The following LRP10 variants were observed in gnomAD, a reference collection of about 807,000 sequenced individuals.
The protein encoded by LRP10 is low-density lipoprotein receptor-related protein 10.
In LRP10, 42 loss-of-function variants were observed where a neutral mutation model predicts 58.5. The observed-to-expected ratio is 0.72, with a 90% CI of 0.56 to 0.93. LRP10 has a LOEUF of 0.93. LRP10 is among the 40% of genes least tolerant of loss of function. The pLI is 0.00. For synonymous variants in LRP10, 377 were observed against 388.5 expected, an observed-to-expected ratio of 0.97 and a Z score of 0.35; for missense variants, 872 against 940.1, an observed-to-expected ratio of 0.93 and a Z score of 0.95.
intron 4 of LRP10, 34 bp from the exon 5 acceptor site, chr14:22,875,321 T>G (rs2039990574): frequency 3.8e-6 from 6 of 1,593,592 alleles, no homozygotes; most frequent in Non-Finnish European, 5.1e-6. Flanking sequence ...AGGGTTCTGG[T>G]GCTTCACAGC....
Position 22,875,371 on chromosome 14 carries a change from G to A in LRP10, c.423G>A (p.Leu141=), listed in dbSNP as rs773210630. The change falls in exon 5 of 7, where the codon CTG becomes CTA. Residue 141 remains leucine, a synonymous_variant. Coordinates refer to ENST00000359591, the MANE Select transcript of LRP10 (RefSeq NM_014045.5). ...CCTCTGCAGATTGGCTGATGTGCCT[G>A]CAGGAAGAGTTTCAGTGCCTGAACC... is the stretch of plus-strand genomic sequence containing the variant. ...LSYSQDWLMC[L]QEEFQCLNHR... 6.2e-7 allele frequency: 1 copy of A among 1,611,938 alleles called. No homozygotes were observed. Among genetic ancestry groups the A allele is most frequent in the Non-Finnish European group, 8.5e-7 (1 of 1,178,486 alleles).
chr14:22,874,922 A>C (rs1463461392), intron 3 of LRP10, 133 bp from the exon 4 acceptor site: 1 of 513,970 alleles, frequency 1.9e-6, no homozygotes, highest in African/African-American at 2.0e-5. Context: ...CTGAGTTTTC[A>C]TTTGGCCATT....
At chr14:22,872,696 AG>A in intron 1 of LRP10, 41 bp from the exon 2 acceptor site, 9 of 1,605,212 alleles carry the variant, frequency 5.6e-6, no homozygotes, top group Non-Finnish European at 7.7e-6. Flanking sequence ...AAAACTCCTA[AG>A]GAGTGTCTCA....
In LRP10 at chr14:22,876,943, T is replaced by C; in HGVS notation, c.1558T>C (p.Ser520Pro). 4 of 1,583,928 alleles carry C rather than the reference T, an allele frequency of 2.5e-6. No individual in the cohort carries two copies. The South Asian group carries it at 4.6e-5, about 18-fold the overall frequency. The part of the protein sequence containing the change: ...DFPTENPNDN[S>P]VLGNLRSLLQ... The stretch of plus-strand genomic sequence containing the variant: ...AGGCCTCCTCATTTCCTTGCAGAAC[T>C]CAGTGCTGGGCAACCTGCGTTCTCT... The change falls in exon 7 of 7, where the codon TCA (serine) becomes CCA (proline). Residue 520 changes from serine to proline, a missense_variant. Ser to Pro is a moderately conservative substitution (Grantham distance 74). Transcript: ENST00000359591.
chr14:22,874,575 A>G (rs1359903828), intron 3 of LRP10, among the ~76,000 whole-genome samples: 1 of 152,196 alleles, frequency 6.6e-6, no homozygotes, highest in Non-Finnish European at 1.5e-5. Flanking sequence ...GAAGATCCCC[A>G]TTGACTACAT....
chr14:22,873,187 G>A, intron 2 of LRP10, 124 bp from the exon 3 acceptor site: 2 of 1,161,802 alleles, frequency 1.7e-6, no homozygotes, highest in Admixed American at 2.3e-5. Flanking sequence ...TGTGGGCAGG[G>A]GCAGATACTC....
Position 22,879,281 on chromosome 14 carries a change from AC to A in LRP10, c.*1757del. ...ACCCTGGCACCTTGGCTCAGGGAAG[AC>A]CCGAGCTCCTTTCACTGCAGACCCT... On this transcript the variant is annotated 3_prime_UTR_variant, in exon 7 of 7. Transcript: ENST00000359591. 2.2e-6 allele frequency: 1 copy of A among 451,916 alleles called. No homozygotes were observed. The highest frequency in any genetic ancestry group is 7.0e-5 in the East Asian group (1 of 14,320). 28.0% of individuals were successfully genotyped at this position (451,916 alleles called of 1,614,324 possible).
chr14:22,879,328 GC>G lies in LRP10; in HGVS notation c.*1802del. 22 of 381,858 alleles carry G rather than the reference GC, an allele frequency of 5.8e-5. No homozygotes were observed. Among genetic ancestry groups the G allele is most frequent in the South Asian group, 8.8e-5 (5 of 56,640 alleles). The allele number at this position is 381,858 out of a possible 1,614,324, so 23.7% of individuals were successfully genotyped here. ...ACCCTCTCCAGAGACTGGGGAGAGGGCTCTGGAGAACCTGGTTCTTGCTTAC... is the reference window on the plus strand; with the variant it reads ...ACCCTCTCCAGAGACTGGGGAGAGGGTCTGGAGAACCTGGTTCTTGCTTAC... On this transcript the variant is annotated 3_prime_UTR_variant, in exon 7 of 7. Coordinates refer to ENST00000359591, the MANE Select transcript of LRP10 (RefSeq NM_014045.5).
rs1022742342 is a variant in LRP10 at position 22,880,236 on chromosome 14, G to GT, written c.*2710dup. 23 of 152,204 alleles carry GT rather than the reference G, an allele frequency of 1.5e-4. No homozygotes were observed. The highest frequency in any genetic ancestry group is 5.5e-4 in the African/African-American group (23 of 41,486). 9.4% of individuals were successfully genotyped at this position (152,204 alleles called of 1,614,324 possible). On this transcript the variant is annotated 3_prime_UTR_variant, in exon 7 of 7. Transcript: ENST00000359591. ...CTAAAATACAAAAAAGTAGCCAGGT[G>GT]TGGCGGCATGCACCTGTAGTCCCAG... is the stretch of plus-strand genomic sequence containing the variant.
At position 22,876,387 on chromosome 14, in the gene LRP10, G is replaced by A. The variant is rs1474718832; in HGVS notation, c.1424+15G>A. The A allele has an allele frequency of 6.2e-7, 1 of 1,610,778 alleles. No individual in the cohort carries two copies. The highest frequency in any genetic ancestry group is 8.5e-7 in the Non-Finnish European group (1 of 1,177,850). On this transcript the variant is annotated intron_variant, in intron 5 of 6. Transcript: ENST00000359591. ...CAGGAGTACAGGTCAGTGGGAGTGG[G>A]GCTGGCAGTAGAAGAGTAGACCCTG...
At chr14:22,872,433 C>T (rs966273927) in intron 1 of LRP10, 96 bp downstream of exon 1, 5 of 1,456,548 alleles carry the variant, frequency 3.4e-6, no homozygotes, top group Non-Finnish European at 3.8e-6. Flanking sequence ...CCTGCCTGCC[C>T]ATTCCCCCCA....
At chr14:22,872,857 G>A (rs1489656097) in intron 2 of LRP10, 75 bp downstream of exon 2, 1 of 1,469,428 alleles carries the variant, frequency 6.8e-7, no homozygotes, top group Non-Finnish European at 9.5e-7. Flanking sequence ...TCTGTTCCCT[G>A]AATTCCATGG....
rs766182103 is a variant in LRP10, at chr14:22,876,992, T to G, written c.1607T>G (p.Met536Arg). 6.2e-7 allele frequency: 1 copy of G among 1,607,650 alleles called. No homozygotes were observed. The highest frequency in any genetic ancestry group is 2.2e-5 in the East Asian group (1 of 44,844). The change falls in exon 7 of 7, where the codon ATG (methionine) becomes AGG (arginine). Residue 536 changes from methionine (M) to arginine (R), a missense_variant. Physicochemically the swap from Met to Arg is moderately conservative, Grantham distance 91 (BLOSUM62 -1). Coordinates refer to ENST00000359591, the MANE Select transcript of LRP10 (RefSeq NM_014045.5). ...CTGCTACAGATCTTACGCCAGGATA[T>G]GACTCCAGGAGGTGGCCCAGGTGCC... ...RSLLQILRQDMTPGGGPGARR... is the reference protein window; with the variant it reads ...RSLLQILRQDRTPGGGPGARR...
At position 22,876,230 on chromosome 14, in the gene LRP10, A is replaced by C. The variant is rs764614204; in HGVS notation, c.1282A>C (p.Ser428Arg). The change falls in exon 5 of 7, where the codon AGT (serine) becomes CGT (arginine). Residue 428 changes from serine (S) to arginine (R), a missense_variant. Coordinates refer to ENST00000359591, the MANE Select transcript of LRP10 (RefSeq NM_014045.5). Reference sequence around the variant, plus strand: ...TGGGCAGCCAGACTGTGCGGACGGCAGTGATGAGTGGGACTGCTCCTATGT... The same window carrying C: ...TGGGCAGCCAGACTGTGCGGACGGCCGTGATGAGTGGGACTGCTCCTATGT... Reference protein sequence around the residue: ...CDGQPDCADGSDEWDCSYVLP... With the variant: ...CDGQPDCADGRDEWDCSYVLP... The C allele has an allele frequency of 6.2e-7, 1 of 1,614,202 alleles. No individual in the cohort carries two copies. The highest frequency in any genetic ancestry group is 8.5e-7 in the Non-Finnish European group (1 of 1,180,034).
Position 22,872,752 on chromosome 14 carries a change from C to T in LRP10, c.49C>T (p.His17Tyr), listed in dbSNP as rs2039969401. Residue 17 changes from histidine to tyrosine, a missense_variant, in exon 2 of 7, where the codon CAT becomes TAT. His to Tyr is a moderately conservative substitution (Grantham distance 83, BLOSUM62 2). Coordinates refer to ENST00000359591, the MANE Select transcript of LRP10 (RefSeq NM_014045.5). ...LLLLLGGALA[H>Y]PDRIIFPNHA... The stretch of plus-strand genomic sequence containing the variant: ...TCCTCCTCTAGGAGGCGCTCTGGCC[C>T]ATCCAGACCGGATTATTTTTCCAAA... 1 of 1,614,190 alleles carries T rather than the reference C, an allele frequency of 6.2e-7. No homozygotes were observed. The highest frequency in any genetic ancestry group is 1.7e-5 in the Admixed American group (1 of 60,012).
rs1447759912 is a variant in LRP10 at position 22,877,357 on chromosome 14, C to T, written c.1972C>T (p.Leu658=). 2.5e-6 allele frequency: 4 copies of T among 1,613,220 alleles called. No homozygotes were observed. The highest frequency in any genetic ancestry group is 3.4e-6 in the Non-Finnish European group (4 of 1,179,712). The part of the protein sequence containing the change: ...PSLLSGVVQA[L]RGRLLPSLGP... The stretch of plus-strand genomic sequence containing the variant: ...ACTATTGTCTGGAGTGGTGCAGGCC[C>T]TGCGAGGCCGCCTGTTGCCCAGCCT... The change falls in exon 7 of 7, where the codon CTG becomes TTG. Residue 658 remains leucine (L), a synonymous_variant. Coordinates refer to ENST00000359591, the MANE Select transcript of LRP10 (RefSeq NM_014045.5). The surrounding 1 kb of genome is among the most constrained non-coding windows in gnomAD (Gnocchi z 5.1).
intron 1 of LRP10, 56 bp downstream of exon 1, chr14:22,872,393 A>G (rs2039964386): frequency 6.2e-7 from 1 of 1,604,888 alleles, no homozygotes; most frequent in African/African-American, 1.3e-5. Flanking sequence ...CAGCAGCTCT[A>G]ACTCCCTCCA....
rs550367775 is a variant in LRP10, at chr14:22,877,803, T to C, written c.*276T>C. The stretch of plus-strand genomic sequence containing the variant: ...GCTCCCCACGCCACCACCATTTGGG[T>C]GGCTGTTTTTAAAAAGTAAAGTTCT... On this transcript the variant is annotated 3_prime_UTR_variant, in exon 7 of 7. Coordinates refer to ENST00000359591, the MANE Select transcript of LRP10 (RefSeq NM_014045.5). This position sits in a 1 kb window ranked among gnomAD's most constrained non-coding sequence, Gnocchi z 5.1. 5 of 351,762 alleles carry C rather than the reference T, an allele frequency of 1.4e-5. No homozygotes were observed. In the East Asian group the frequency reaches 2.3e-4, roughly 16 times the overall value. 21.8% of individuals were successfully genotyped at this position (351,762 alleles called of 1,614,324 possible).
At position 22,875,586 on chromosome 14, in the gene LRP10, C is replaced by G. The variant is rs2039994269; in HGVS notation, c.638C>G (p.Ser213Ter). 6.2e-7 allele frequency: 1 copy of G among 1,614,080 alleles called. No homozygotes were observed. Among genetic ancestry groups the G allele is most frequent in the African/African-American group, 1.3e-5 (1 of 74,932 alleles). ...FSSPGYTHLA[S>*]VSHPQSCHWL... The stretch of plus-strand genomic sequence containing the variant: ...TCTCCTGGATATACACACCTAGCCT[C>G]AGTCTCCCACCCCCAGTCCTGCCAT... The change falls in exon 5 of 7, where the codon TCA becomes TGA. Residue 213 changes from serine (S) to a stop codon, truncating the protein, a stop_gained. Transcript: ENST00000359591. LOFTEE classifies it high-confidence loss of function.
Sources: allele counts gnomAD v4.1 joint callset (sites outside exome capture counted in the v4.1 genomes callset), GRCh38; gene constraint gnomAD v4.1.1; non-coding constraint Gnocchi (gnomAD v3.1); transcripts MANE v1.5; gene names NCBI Gene and HGNC (gene_info 2026-07-23, HGNC 2026-07-21).